Variants in WWOX observed in about 807,000 individuals in gnomAD.
WWOX encodes WW domain-containing oxidoreductase.
A neutral mutation model predicts 46.2 loss-of-function variants in WWOX; 69 were observed. That is an observed-to-expected ratio of 1.49 (90% CI 1.23 to 1.82). The LOEUF (loss-of-function observed/expected upper bound fraction) is 1.82. Ranked by LOEUF, WWOX falls within the 40% of genes most tolerant of loss-of-function variation. The pLI is 0.00. For missense variants in WWOX, 919 were observed against 542.6 expected, an observed-to-expected ratio of 1.69 and a Z score of -6.89; for synonymous variants, 359 against 202.6, an observed-to-expected ratio of 1.77 and a Z score of -6.56.
At chr16:78,660,765 A>G (rs547000622) in intron 8 of WWOX, among the ~76,000 whole-genome samples, 1 of 152,296 alleles carries the variant, frequency 6.6e-6, no homozygotes, top group South Asian at 2.1e-4. Flanking sequence ...TTCTTCCAGA[A>G]ACGTTCTATG....
At chr16:78,718,852 G>T (rs553727080) in intron 8 of WWOX, among the ~76,000 whole-genome samples, 1 of 152,164 alleles carries the variant, frequency 6.6e-6, no homozygotes, top group African/African-American at 2.4e-5. Context: ...TAAAGGCATG[G>T]ATGTGACTGA....
At chr16:79,122,637 C>T (rs536264002) in intron 8 of WWOX, among the ~76,000 whole-genome samples, 1 of 151,870 alleles carries the variant, frequency 6.6e-6, no homozygotes, top group African/African-American at 2.4e-5. Context: ...TCTTCCCTTC[C>T]CTTTGTTTTC....
intron 8 of WWOX, among the ~76,000 whole-genome samples, chr16:78,633,940 C>G (rs1041427104): frequency 6.6e-6 from 1 of 150,850 alleles, no homozygotes; most frequent in Non-Finnish European, 1.5e-5. Flanking sequence ...AGAACAGTTC[C>G]AGCTCTGCCG....
At chr16:78,166,996 A>G (rs950828280) in intron 5 of WWOX, 16 of 152,204 alleles carry the variant, frequency 1.1e-4, no homozygotes, top group Admixed American at 7.8e-4. Flanking sequence ...ATTTGATGTA[A>G]TATTTGAAAC....
intron 8 of WWOX, among the ~76,000 whole-genome samples, chr16:78,718,329 T>C (rs1006645299): frequency 5.9e-5 from 9 of 152,220 alleles, no homozygotes; most frequent in South Asian, 4.2e-4. Context: ...AAAAGAATTA[T>C]TGTGGTGCCA....
intron 8 of WWOX, among the ~76,000 whole-genome samples, chr16:78,561,704 ATG>A (rs1407785101): frequency 6.6e-6 from 1 of 152,168 alleles, no homozygotes; most frequent in Middle Eastern, 3.2e-3. Context: ...CAAAGAAAGG[ATG>A]TTAGGTAGAG....
chr16:78,479,623 C>A (rs867663289), intron 8 of WWOX, among the ~76,000 whole-genome samples: 2 of 152,116 alleles, frequency 1.3e-5, no homozygotes, highest in South Asian at 2.1e-4. Context: ...GCTCTCGTTG[C>A]CTCCAAGGAG....
intron 5 of WWOX, among the ~76,000 whole-genome samples, chr16:78,177,687 C>T (rs1310721927): frequency 2.0e-5 from 3 of 152,136 alleles, no homozygotes; most frequent in African/African-American, 7.2e-5. Flanking sequence ...AGACTTTATT[C>T]TCTAGGTCCT....
At chr16:78,658,507 C>T (rs1456107697) in intron 8 of WWOX, among the ~76,000 whole-genome samples, 1 of 152,144 alleles carries the variant, frequency 6.6e-6, no homozygotes, top group Non-Finnish European at 1.5e-5. Context: ...AGGCCAGACA[C>T]CTGACATCGA....
chr16:78,653,625 C>G (rs1200428395), intron 8 of WWOX, among the ~76,000 whole-genome samples: 3 of 152,212 alleles, frequency 2.0e-5, no homozygotes, highest in Non-Finnish European at 4.4e-5. Context: ...TTTGGACAAC[C>G]TCCGACCTTA....
chr16:78,691,369 A>C (rs2047984163), intron 8 of WWOX: 2 of 688,204 alleles, frequency 2.9e-6, no homozygotes, highest in Non-Finnish European at 5.3e-6. Flanking sequence ...AGGTGACAGA[A>C]AGGAAATCTC....
chr16:78,191,716 G>C (rs146650660), intron 5 of WWOX, among the ~76,000 whole-genome samples: 1 of 152,218 alleles, frequency 6.6e-6, no homozygotes, highest in Admixed American at 6.5e-5. Context: ...CTTGATCCTC[G>C]GAAGAGATTC....
At chr16:79,204,122 A>G (rs1253812809) in intron 8 of WWOX, 1 of 152,008 alleles carries the variant, frequency 6.6e-6, no homozygotes, top group African/African-American at 2.4e-5. Context: ...ATTTCAAACC[A>G]ACCATGGAAG....
chr16:78,806,122 G>T (rs1252492171), intron 8 of WWOX, among the ~76,000 whole-genome samples: 1 of 152,182 alleles, frequency 6.6e-6, no homozygotes, highest in African/African-American at 2.4e-5. Context: ...TCATTAGGCT[G>T]TCTGTTTTCT....
At chr16:78,396,726 T>C (rs1030499163) in intron 6 of WWOX, among the ~76,000 whole-genome samples, 1 of 152,220 alleles carries the variant, frequency 6.6e-6, no homozygotes, top group African/African-American at 2.4e-5. Context: ...ATAGTAAATA[T>C]TTTTGCTCTC....
intron 6 of WWOX, among the ~76,000 whole-genome samples, chr16:78,409,543 C>A (rs552856021): frequency 6.6e-6 from 1 of 152,290 alleles, no homozygotes; most frequent in South Asian, 2.1e-4. Flanking sequence ...TAAATTACCC[C>A]CAAGACCTAG....
intron 7 of WWOX, among the ~76,000 whole-genome samples, chr16:78,427,149 G>A (rs2083100223): frequency 6.6e-6 from 1 of 152,158 alleles, no homozygotes; most frequent in Admixed American, 6.5e-5. Flanking sequence ...TAAAATGCAA[G>A]TGCTGATATC....
chr16:79,177,346 G>A (rs1340161649), intron 8 of WWOX, among the ~76,000 whole-genome samples: 1 of 150,216 alleles, frequency 6.7e-6, no homozygotes, highest in Non-Finnish European at 1.5e-5. Flanking sequence ...TTAAAGTACT[G>A]TACTTGTCAT....
intron 8 of WWOX, among the ~76,000 whole-genome samples, chr16:78,638,851 AT>A (rs961649643): frequency 5.3e-5 from 8 of 151,046 alleles, no homozygotes; most frequent in East Asian, 3.9e-4. Flanking sequence ...AGATTCAGGA[AT>A]TTTTTTTTTC....
Sources: allele counts gnomAD v4.1 joint callset (sites outside exome capture counted in the v4.1 genomes callset), GRCh38; gene constraint gnomAD v4.1.1; transcripts MANE v1.5; gene names NCBI Gene and HGNC (gene_info 2026-07-23, HGNC 2026-07-21).